Variants in CRYZ observed in about 807,000 individuals in gnomAD.
The protein encoded by CRYZ is zeta-crystallin.
In CRYZ, 35 loss-of-function variants were observed where a neutral mutation model predicts 34.1. That is an observed-to-expected ratio of 1.03 (90% CI 0.78 to 1.36). The LOEUF (loss-of-function observed/expected upper bound fraction) is 1.36, where lower values mean the gene tolerates loss of function less well. Ranked by LOEUF, CRYZ falls within the 40% of genes most tolerant of loss-of-function variation. The pLI is 0.00. For missense variants in CRYZ, 403 were observed against 391.8 expected, an observed-to-expected ratio of 1.03 and a Z score of -0.24; for synonymous variants, 137 against 136.5, an observed-to-expected ratio of 1.00 and a Z score of -0.03.
intron 5 of CRYZ, among the ~76,000 whole-genome samples, chr1:74,711,116 AG>A (rs34729517): frequency 1.3e-5 from 2 of 152,116 alleles, no homozygotes; most frequent in East Asian, 3.9e-4. Context: ...GAACAGAAAG[AG>A]GGGCAGTGTG....
At chr1:74,729,216 T>C (rs1289198952) in intron 1 of CRYZ, among the ~76,000 whole-genome samples, 1 of 151,582 alleles carries the variant, frequency 6.6e-6, no homozygotes, top group African/African-American at 2.4e-5. Context: ...AGCTCTATCA[T>C]GTGGGAGCCA....
intron 1 of CRYZ, among the ~76,000 whole-genome samples, chr1:74,727,984 T>C (rs758233405): frequency 2.3e-4 from 35 of 152,366 alleles, no homozygotes; most frequent in Non-Finnish European, 4.3e-4. Context: ...CATGAGTATG[T>C]AATATTAAAC....
intron 6 of CRYZ, 22 bp downstream of exon 6, chr1:74,710,076 G>T: frequency 6.8e-6 from 11 of 1,606,244 alleles, no homozygotes; most frequent in Non-Finnish European, 9.4e-6. Flanking sequence ...TTTGACTTTT[G>T]TAAAACAGTG....
At chr1:74,725,192 C>A (rs926448119) in intron 1 of CRYZ, among the ~76,000 whole-genome samples, 1 of 152,144 alleles carries the variant, frequency 6.6e-6, no homozygotes, top group Non-Finnish European at 1.5e-5. Context: ...AAACTGACCT[C>A]CTTTTGTTAG....
At chr1:74,724,574 A>G (rs1307763630) in intron 2 of CRYZ, 137 bp downstream of exon 2, 2 of 556,608 alleles carry the variant, frequency 3.6e-6, no homozygotes, top group South Asian at 2.7e-5. Context: ...ATCAATGTCC[A>G]TATGTATACA....
chr1:74,727,243 C>T (rs1007591338), intron 1 of CRYZ, among the ~76,000 whole-genome samples: 1 of 79,242 alleles, frequency 1.3e-5, no homozygotes, highest in Non-Finnish European at 4.1e-5. Flanking sequence ...TGAAGAAACA[C>T]CTGAGACTGG....
chr1:74,711,339 T>C (rs1340898874), intron 5 of CRYZ, among the ~76,000 whole-genome samples: 3 of 151,784 alleles, frequency 2.0e-5, no homozygotes, highest in African/African-American at 4.8e-5. Context: ...GTGAGGAAAA[T>C]GGGAGGAGGA....
chr1:74,732,605 G>T (rs1450122532), intron 1 of CRYZ, among the ~76,000 whole-genome samples: 4 of 57,150 alleles, frequency 7.0e-5, no homozygotes, highest in African/African-American at 1.0e-4. Flanking sequence ...GGCGGGGGGG[G>T]GGGGGGGGGG....
chr1:74,725,383 G>A (rs893589471), intron 1 of CRYZ, among the ~76,000 whole-genome samples: 3 of 152,204 alleles, frequency 2.0e-5, no homozygotes, highest in African/African-American at 7.2e-5. Context: ...GCAATGGCAT[G>A]TCTTACATGG....
Position 74,719,248 on chromosome 1 carries a change from C to T in CRYZ, c.389G>A (p.Gly130Asp), listed in dbSNP as rs1647120646. 1.2e-6 allele frequency: 2 copies of T among 1,613,596 alleles called. No homozygotes were observed. The highest frequency in any genetic ancestry group is 1.3e-5 in the African/African-American group (1 of 74,892). The change falls in exon 4 of 9, where the codon GGC (glycine) becomes GAC (aspartate). Residue 130 changes from glycine (G) to aspartate (D), a missense_variant. Gly to Asp is a moderately conservative substitution (Grantham distance 94). Coordinates refer to ENST00000340866, the MANE Select transcript of CRYZ (RefSeq NM_001889.4). ...TCGATAAGCAGTAAAATATGGAATGCCGATGGCAGCTCCTTGTTTAAAGTC... is the reference window on the plus strand; with the variant it reads ...TCGATAAGCAGTAAAATATGGAATGTCGATGGCAGCTCCTTGTTTAAAGTC... ...KLDFKQGAAIGIPYFTAYRAL... is the reference protein window; with the variant it reads ...KLDFKQGAAIDIPYFTAYRAL...
chr1:74,716,273 A>G (rs1399651866), intron 4 of CRYZ, among the ~76,000 whole-genome samples: 1 of 152,082 alleles, frequency 6.6e-6, no homozygotes. Context: ...ATGATAGATC[A>G]GATCAAATAG....
rs1452715036 is a variant in CRYZ at position 74,723,223 on chromosome 1, GTA to G, written c.157_158del (p.Tyr53HisfsTer7). 4.3e-6 allele frequency: 7 copies of G among 1,613,860 alleles called. No homozygotes were observed. Among genetic ancestry groups the G allele is most frequent in the Non-Finnish European group, 1.7e-6 (2 of 1,179,912 alleles). On this transcript the variant is annotated frameshift_variant, in exon 3 of 9. Transcript: ENST00000340866. LOFTEE classifies it high-confidence loss of function. Reference protein sequence around the residue: ...HACGVNPVETYIRSGTYSRKP... With the variant: ...HACGVNPVETXIRSGTYSRKP... ...TTCTACTATAAGTACCAGAGCGAAT[GTA>G]TGTCTCCACGGGGTTGACACCACAT...
intron 1 of CRYZ, among the ~76,000 whole-genome samples, chr1:74,727,980 T>C (rs906002211): frequency 6.6e-6 from 1 of 152,202 alleles, no homozygotes; most frequent in Non-Finnish European, 1.5e-5. Flanking sequence ...TCTACATGAG[T>C]ATGTAATATT....
rs557088521 is a variant in CRYZ, at chr1:74,729,972, T to A, written c.-14+2984A>T. ...AAGCTGGGTGCTCTCTCTCTCTCTC[T>A]CACACCTACACACATAGCCTATGAG... On this transcript the variant is annotated intron_variant, in intron 1 of 8. Coordinates refer to ENST00000340866, the MANE Select transcript of CRYZ (RefSeq NM_001889.4). Among the ~76,000 whole-genome samples, 16 of 152,136 alleles carry A rather than the reference T, an allele frequency of 1.1e-4. No homozygotes were observed. In the South Asian group the frequency reaches 2.3e-3, roughly 22 times the overall value.
intron 3 of CRYZ, among the ~76,000 whole-genome samples, chr1:74,721,357 A>C (rs1647160666): frequency 1.3e-5 from 2 of 152,170 alleles, no homozygotes; most frequent in Non-Finnish European, 2.9e-5. Flanking sequence ...AGAATAAACT[A>C]CACTGTGAGG....
At chr1:74,715,475 T>C (rs148488090) in intron 4 of CRYZ, among the ~76,000 whole-genome samples, 104 of 151,894 alleles carry the variant, frequency 6.8e-4, no homozygotes, top group African/African-American at 2.1e-3. Flanking sequence ...AGAGACATTA[T>C]AGAACATTAT....
intron 1 of CRYZ, among the ~76,000 whole-genome samples, chr1:74,727,461 A>C: frequency 3.5e-5 from 2 of 57,588 alleles, no homozygotes; most frequent in Non-Finnish European, 5.7e-5. Context: ...AAAAATACAA[A>C]AAAAAAAAAA....
chr1:74,727,458 CAAAAAAAAAAAAA>C (rs3041452), intron 1 of CRYZ, among the ~76,000 whole-genome samples: 2 of 71,920 alleles, frequency 2.8e-5, no homozygotes, highest in Non-Finnish European at 5.2e-5. Flanking sequence ...CTAAAAAATA[CAAAAAAAAAAAAA>C]AAAAAAAAAA....
rs142801909 is a variant in CRYZ, at chr1:74,706,342, A to T, written c.944T>A (p.Ile315Asn). The T allele has an allele frequency of 2.9e-5, 47 of 1,612,286 alleles. No homozygotes were observed. The highest frequency in any genetic ancestry group is 4.0e-5 in the Non-Finnish European group (47 of 1,179,082). Residue 315 changes from isoleucine (I) to asparagine (N), a missense_variant, in exon 9 of 9, where the codon ATC becomes AAC. Transcript: ENST00000340866. ...LEKVAEAHEN[I>N]IHGSGATGKM... The stretch of plus-strand genomic sequence containing the variant: ...TCCAGTAGCCCCACTACCATGAATG[A>T]TATTTTCATGAGCCTCGGCCACCTT...
Sources: gnomAD v4.1 joint callset for allele counts (sites outside exome capture counted in the v4.1 genomes callset) on GRCh38, gnomAD v4.1.1 for gene constraint, MANE v1.5 for transcripts, NCBI Gene and HGNC (gene_info 2026-07-23, HGNC 2026-07-21) for gene names.